DGKB: variants seen among roughly 807,000 people sequenced by gnomAD.
DGKB encodes diacylglycerol kinase beta.
Under a neutral mutation model 114.3 loss-of-function variants are expected in DGKB, and 67 were observed. That is an observed-to-expected ratio of 0.59 (90% confidence interval 0.48 to 0.72). The LOEUF is 0.72. Ranked by LOEUF, DGKB falls within the 30% of genes least tolerant of loss-of-function variation. The pLI, the probability that DGKB is intolerant of heterozygous loss-of-function variation, is 0.00. For synonymous variants in DGKB, 398 were observed against 323.1 expected (o/e 1.23, Z -2.49); for missense variants, 907 against 975.2 (o/e 0.93, Z 0.93).
intron 23 of DGKB, among the ~76,000 whole-genome samples, chr7:14,219,909 C>CACTT (rs1290867064): frequency 6.6e-6 from 1 of 151,686 alleles, no homozygotes; most frequent in Admixed American, 6.6e-5. Flanking sequence ...TTAGATCTTA[C>CACTT]ACTTACATCC....
intron 13 of DGKB, among the ~76,000 whole-genome samples, chr7:14,638,872 C>T (rs1457287597): frequency 4.0e-5 from 6 of 151,794 alleles, no homozygotes; most frequent in African/African-American, 1.5e-4. Flanking sequence ...CCCATCTCTA[C>T]TAAAAAAATA....
intron 1 of DGKB, among the ~76,000 whole-genome samples, chr7:14,902,125 G>A (rs1783184221): frequency 6.6e-6 from 1 of 152,110 alleles, no homozygotes; most frequent in Admixed American, 6.5e-5. Context: ...AATTTAATAA[G>A]GTAAATCGAA....
intron 25 of DGKB, among the ~76,000 whole-genome samples, chr7:14,151,106 A>C (rs1239874505): frequency 6.6e-6 from 1 of 152,124 alleles, no homozygotes; most frequent in Admixed American, 6.6e-5. Flanking sequence ...TTAAATGAGT[A>C]CTGGGAAAGC....
chr7:14,864,789 G>A (rs921109158), intron 1 of DGKB, among the ~76,000 whole-genome samples: 5 of 118,440 alleles, frequency 4.2e-5, no homozygotes, highest in African/African-American at 1.3e-4. Flanking sequence ...GATAAGAGAT[G>A]ATGACAAAAA....
At chr7:14,558,986 G>T (rs1167672224) in intron 20 of DGKB, among the ~76,000 whole-genome samples, 1 of 152,164 alleles carries the variant, frequency 6.6e-6, no homozygotes, top group African/African-American at 2.4e-5. Context: ...ATTGAACAAA[G>T]CAGATCACCT....
rs1821501377 is a variant in DGKB, at chr7:14,685,352, T to C, written c.722A>G (p.Asp241Gly). ...VLLGLENNVK[D>G]DGQHVWRLKH... The stretch of plus-strand genomic sequence containing the variant: ...CAGTCGCCACACGTGCTGTCCATCA[T>C]CCTTCACGTTCTGCATGGGACGTAA... Residue 241 changes from aspartate (D) to glycine (G), a missense_variant, in exon 10 of 26, where the codon GAT becomes GGT. Transcript: ENST00000402815. 1.9e-6 allele frequency: 3 copies of C among 1,612,644 alleles called. No homozygotes were observed. The highest frequency in any genetic ancestry group is 2.5e-6 in the Non-Finnish European group (3 of 1,178,790).
chr7:14,930,024 T>C (rs1587402400), intron 1 of DGKB, among the ~76,000 whole-genome samples: 1 of 152,130 alleles, frequency 6.6e-6, no homozygotes, highest in Admixed American at 6.6e-5. Context: ...CAAAGATCTC[T>C]TGGCTGAGAA....
At chr7:14,690,580 T>G (rs1427304715) in intron 9 of DGKB, among the ~76,000 whole-genome samples, 1 of 152,264 alleles carries the variant, frequency 6.6e-6, no homozygotes, top group African/African-American at 2.4e-5. Flanking sequence ...AACCTGTTTT[T>G]GCACATGCAG....
At chr7:14,850,499 A>G (rs1297266405) in intron 1 of DGKB, among the ~76,000 whole-genome samples, 5 of 152,170 alleles carry the variant, frequency 3.3e-5, no homozygotes, top group Admixed American at 2.6e-4. Context: ...GTGAGGGCCA[A>G]AATTAATCTT....
intron 21 of DGKB, among the ~76,000 whole-genome samples, chr7:14,453,780 T>C (rs113327804): frequency 3.5e-4 from 53 of 152,240 alleles, no homozygotes; most frequent in African/African-American, 1.3e-3. Flanking sequence ...GTAGTTCAAA[T>C]GCAGCCAAAG....
Position 14,567,466 on chromosome 7 carries a change from T to A in DGKB, c.1770+6746A>T, listed in dbSNP as rs1200032724. ...ATTATATATTATATATAATTATATA[T>A]TTATATATTATATATATTTATATAT... On this transcript the variant is annotated intron_variant, in intron 20 of 25. Coordinates refer to ENST00000402815, the MANE Select transcript of DGKB (RefSeq NM_001350709.2). 4.7e-3 allele frequency among the ~76,000 whole-genome samples: 295 copies of A among 62,622 alleles called. 5 individuals are homozygous for A. The highest frequency in any genetic ancestry group is 0.014 in the African/African-American group (219 of 15,496). 41.1% of individuals were successfully genotyped at this position (62,622 alleles called of 152,430 possible).
intron 1 of DGKB, among the ~76,000 whole-genome samples, chr7:14,960,928 C>CGGAG (rs1786807227): frequency 6.6e-6 from 1 of 151,972 alleles, no homozygotes; most frequent in Admixed American, 6.6e-5. Context: ...CGGGCGTGGG[C>CGGAG]GGAGGGCTTA....
chr7:14,949,723 C>G (rs142533063), intron 1 of DGKB, among the ~76,000 whole-genome samples: 5 of 151,820 alleles, frequency 3.3e-5, no homozygotes, highest in African/African-American at 1.2e-4. Context: ...AAATGATAGA[C>G]TGGATTAAGA....
chr7:14,454,011 T>G (rs981953797), intron 21 of DGKB, among the ~76,000 whole-genome samples: 2 of 152,148 alleles, frequency 1.3e-5, no homozygotes, highest in African/African-American at 4.8e-5. Flanking sequence ...TTGTATTATA[T>G]CTTATTGATA....
intron 13 of DGKB, among the ~76,000 whole-genome samples, chr7:14,633,244 T>TA (rs1043571348): frequency 6.6e-6 from 1 of 151,648 alleles, no homozygotes; most frequent in Non-Finnish European, 1.5e-5. Flanking sequence ...TTTCTGAAAA[T>TA]AAAAAAGCAG....
chr7:14,178,803 A>G (rs1413463591), intron 23 of DGKB, among the ~76,000 whole-genome samples: 4 of 152,116 alleles, frequency 2.6e-5, no homozygotes, highest in Non-Finnish European at 5.9e-5. Context: ...CCATGCAATC[A>G]TTATTATTAA....
intron 4 of DGKB, among the ~76,000 whole-genome samples, chr7:14,753,118 G>A (rs1015487760): frequency 2.6e-5 from 4 of 152,106 alleles, no homozygotes; most frequent in African/African-American, 7.2e-5. Flanking sequence ...TGTACTTTAC[G>A]TGTTGGACAT....
chr7:14,269,922 T>G (rs1334444448), intron 23 of DGKB, among the ~76,000 whole-genome samples: 1 of 151,936 alleles, frequency 6.6e-6, no homozygotes, highest in Admixed American at 6.6e-5. Flanking sequence ...CCTGTAACAC[T>G]TCATAAAATT....
intron 23 of DGKB, among the ~76,000 whole-genome samples, chr7:14,291,470 T>C (rs865847049): frequency 6.6e-6 from 1 of 152,308 alleles, no homozygotes; most frequent in Middle Eastern, 3.4e-3. Context: ...AGGTCTAAAA[T>C]ATCTTCTCAG....
Sources: allele counts gnomAD v4.1 joint callset (sites outside exome capture counted in the v4.1 genomes callset), GRCh38; gene constraint gnomAD v4.1.1; transcripts MANE v1.5; gene names NCBI Gene and HGNC (gene_info 2026-07-23, HGNC 2026-07-21).